ABCA5: variants seen among roughly 807,000 people sequenced by gnomAD.
ABCA5 encodes ATP binding cassette subfamily A member 5.
Under a neutral mutation model 206.0 loss-of-function variants are expected in ABCA5, and 163 were observed. The observed-to-expected ratio is 0.79, with a 90% CI of 0.70 to 0.90. The LOEUF (loss-of-function observed/expected upper bound fraction) is 0.90. Ranked by LOEUF, ABCA5 falls within the 40% of genes least tolerant of loss-of-function variation. The pLI is 0.00. For synonymous variants in ABCA5, 609 were observed against 613.8 expected (o/e 0.99, Z 0.11); for missense variants, 1,859 against 1,912.9 (o/e 0.97, Z 0.53).
intron 38 of ABCA5, 63 bp from the exon 39 acceptor site, chr17:69,247,707 A>G: frequency 1.1e-6 from 1 of 897,132 alleles, no homozygotes; most frequent in South Asian, 1.6e-5. Flanking sequence ...AGAACTTTTA[A>G]CTAAATCAGA....
intron 11 of ABCA5, 146 bp downstream of exon 11, chr17:69,294,509 G>T: frequency 1.4e-6 from 1 of 716,498 alleles, no homozygotes; most frequent in Non-Finnish European, 2.2e-6. Context: ...GTGACAGAGC[G>T]AGACTCCATC....
intron 24 of ABCA5, among the ~76,000 whole-genome samples, chr17:69,262,612 ACTTT>A (rs2075161766): frequency 6.6e-6 from 1 of 152,092 alleles, no homozygotes; most frequent in Middle Eastern, 3.2e-3. Context: ...TATGTACCAC[ACTTT>A]CTTTATTCAA....
intron 9 of ABCA5, among the ~76,000 whole-genome samples, chr17:69,300,510 T>G (rs1386538480): frequency 6.6e-6 from 1 of 152,138 alleles, no homozygotes; most frequent in Non-Finnish European, 1.5e-5. Flanking sequence ...AACATCTAGA[T>G]TGCACCATGC....
chr17:69,274,560 G>T (rs906478856), intron 19 of ABCA5, among the ~76,000 whole-genome samples: 2 of 138,184 alleles, frequency 1.4e-5, no homozygotes, highest in African/African-American at 5.4e-5. Flanking sequence ...ATAGTTAAAA[G>T]ATAATCACTG....
intron 14 of ABCA5, 72 bp from the exon 15 acceptor site, chr17:69,287,823 T>C (rs900123741): frequency 5.8e-5 from 77 of 1,332,480 alleles, no homozygotes; most frequent in Non-Finnish European, 6.8e-5. Context: ...ATGTGGACAC[T>C]AAAAAACTGC....
intron 15 of ABCA5, among the ~76,000 whole-genome samples, chr17:69,287,074 T>C (rs982736017): frequency 1.3e-5 from 2 of 152,214 alleles, no homozygotes; most frequent in African/African-American, 4.8e-5. Context: ...ATGTGGTTTA[T>C]GCCAAACAAC....
rs1567756633 is a variant in ABCA5, at chr17:69,266,571, A to AT, written c.3144+1371_3144+1372insA. Among the ~76,000 whole-genome samples the AT allele has an allele frequency of 1.1e-3, 166 of 146,522 alleles. No individual in the cohort carries two copies. The Middle Eastern group carries it at 0.014, about 13-fold the overall frequency. Reference sequence around the variant, plus strand: ...ACCCTAAAACTTAAAGTATAATAAAAATATATATATATATAAATAAAAAAA... The same window carrying AT: ...ACCCTAAAACTTAAAGTATAATAAAATATATATATATATATAAATAAAAAAA... On this transcript the variant is annotated intron_variant, in intron 23 of 38. Coordinates refer to ENST00000392676, the MANE Select transcript of ABCA5 (RefSeq NM_172232.4).
intron 24 of ABCA5, among the ~76,000 whole-genome samples, chr17:69,264,092 T>G: frequency 6.6e-6 from 1 of 152,152 alleles, no homozygotes; most frequent in East Asian, 1.9e-4. Context: ...GTTGGTAGTT[T>G]GATAGGAATA....
At chr17:69,300,933 C>G (rs1012066090) in intron 9 of ABCA5, among the ~76,000 whole-genome samples, 1 of 152,142 alleles carries the variant, frequency 6.6e-6, no homozygotes, top group Non-Finnish European at 1.5e-5. Flanking sequence ...CAAAACTGCT[C>G]TCTTTTTACA....
chr17:69,254,290 AG>A, intron 32 of ABCA5, 24 bp downstream of exon 32: 1 of 1,563,350 alleles, frequency 6.4e-7, no homozygotes, highest in Non-Finnish European at 8.7e-7. Flanking sequence ...AAGTAACAAA[AG>A]GAATCTAAAG....
chr17:69,249,739 G>T, intron 37 of ABCA5, 166 bp downstream of exon 37: 1 of 824,056 alleles, frequency 1.2e-6, no homozygotes, highest in Non-Finnish European at 1.8e-6. Flanking sequence ...AAAATAAACC[G>T]AGTCCCCAGT....
intron 4 of ABCA5, among the ~76,000 whole-genome samples, 173 bp from the exon 5 acceptor site, chr17:69,308,541 T>C (rs1204403897): frequency 6.6e-6 from 1 of 152,206 alleles, no homozygotes; most frequent in East Asian, 1.9e-4. Flanking sequence ...AGATTTCTGA[T>C]CATTTACTTG....
chr17:69,254,344 A>G lies in ABCA5; in HGVS notation c.4215T>C (p.Ser1405=). 1 of 1,612,996 alleles carries G rather than the reference A, an allele frequency of 6.2e-7. No homozygotes were observed. The highest frequency in any genetic ancestry group is 8.5e-7 in the Non-Finnish European group (1 of 1,179,482). Residue 1405 remains serine (S), a synonymous_variant, in exon 32 of 39, where the codon AGT becomes AGC. Transcript: ENST00000392676. Reference sequence around the variant, plus strand: ...TTATGACTTCTTTCATGTCACTTGCACTCATTCCTTTGACAGCTCCATAAA... The same window carrying G: ...TTATGACTTCTTTCATGTCACTTGCGCTCATTCCTTTGACAGCTCCATAAA... The part of the protein sequence containing the change: ...FEIYGAVKGM[S]ASDMKEVISR...
At chr17:69,249,706 T>A in intron 37 of ABCA5, 199 bp downstream of exon 37, 1 of 594,414 alleles carries the variant, frequency 1.7e-6, no homozygotes, top group Non-Finnish European at 2.8e-6. Context: ...TAAAAGGTTA[T>A]CTTCTTATCT....
chr17:69,265,266 T>C (rs1468332337), intron 23 of ABCA5, among the ~76,000 whole-genome samples: 1 of 152,074 alleles, frequency 6.6e-6, no homozygotes, highest in Non-Finnish European at 1.5e-5. Context: ...TGGAAACAGA[T>C]GGGAAGACAT....
chr17:69,260,304 A>G (rs1371245467), intron 27 of ABCA5, 34 bp downstream of exon 27: 11 of 1,473,874 alleles, frequency 7.5e-6, no homozygotes, highest in Admixed American at 1.8e-5. Context: ...TTCTTAAGGT[A>G]CATGCTAATT....
intron 27 of ABCA5, 106 bp from the exon 28 acceptor site, chr17:69,259,903 C>A (rs766467728): frequency 3.8e-6 from 2 of 531,468 alleles, no homozygotes; most frequent in Non-Finnish European, 6.5e-6. Flanking sequence ...AGTTCCTTGC[C>A]ATTACCAAAA....
At chr17:69,260,540 T>A (rs2075135996) in intron 26 of ABCA5, 128 bp from the exon 27 acceptor site, 2 of 618,430 alleles carry the variant, frequency 3.2e-6, no homozygotes, top group Non-Finnish European at 5.4e-6. Context: ...TATTAGTAAG[T>A]TATGTTTTTT....
intron 24 of ABCA5, among the ~76,000 whole-genome samples, chr17:69,263,488 C>T (rs2075172368): frequency 1.3e-5 from 2 of 152,124 alleles, no homozygotes; most frequent in African/African-American, 2.4e-5. Flanking sequence ...AACACAGAGT[C>T]CTTTCCTATT....
Sources: gnomAD v4.1 joint callset for allele counts (sites outside exome capture counted in the v4.1 genomes callset) on GRCh38, gnomAD v4.1.1 for gene constraint, MANE v1.5 for transcripts, NCBI Gene and HGNC (gene_info 2026-07-23, HGNC 2026-07-21) for gene names.